Variants in NBEA observed in about 807,000 individuals in gnomAD.
The protein encoded by NBEA is lysosomal-trafficking regulator 2.
NBEA carries 44 observed loss-of-function variants against 343.4 expected under a neutral mutation model. The ratio of observed to expected loss-of-function variants is 0.13; its 90% confidence interval spans 0.10 to 0.16. The LOEUF (loss-of-function observed/expected upper bound fraction) is 0.16. Among genes scored for constraint, NBEA ranks in the 10% least tolerant of loss-of-function variants. The pLI, the probability that NBEA is intolerant of heterozygous loss-of-function variation, is 1.00. For missense variants in NBEA, 2,555 were observed against 3,631.3 expected (o/e 0.70, Z 7.62); for synonymous variants, 1,175 against 1,238.7 (o/e 0.95, Z 1.08).
At chr13:35,277,953 G>A (rs891398258) in intron 34 of NBEA, among the ~76,000 whole-genome samples, 1 of 151,594 alleles carries the variant, frequency 6.6e-6, no homozygotes, top group Non-Finnish European at 1.5e-5. Flanking sequence ...CCAGTGTGGT[G>A]GCACATGCCT....
intron 10 of NBEA, among the ~76,000 whole-genome samples, chr13:35,080,826 T>G (rs940927142): frequency 2.6e-5 from 4 of 152,138 alleles, no homozygotes; most frequent in Non-Finnish European, 5.9e-5. Flanking sequence ...ACACATAAAT[T>G]TATTTACTGC....
At chr13:35,201,010 A>AT (rs2072984592) in intron 31 of NBEA, among the ~76,000 whole-genome samples, 2 of 91,914 alleles carry the variant, frequency 2.2e-5, no homozygotes, top group Admixed American at 1.1e-4. Flanking sequence ...TCTTATTACT[A>AT]TTTTTTTAAA....
intron 11 of NBEA, among the ~76,000 whole-genome samples, chr13:35,101,821 C>T (rs2065661057): frequency 6.6e-6 from 1 of 151,706 alleles, no homozygotes; most frequent in African/African-American, 2.4e-5. Context: ...GATGTGATTA[C>T]TTCATTGGAT....
chr13:35,299,724 A>G (rs1001788651), intron 35 of NBEA, among the ~76,000 whole-genome samples: 3 of 152,192 alleles, frequency 2.0e-5, no homozygotes, highest in Admixed American at 6.5e-5. Flanking sequence ...ATATATGTCT[A>G]TGTAGGTGTG....
Position 35,489,440 on chromosome 13 carries a change from G to T in NBEA, c.6585+16904G>T, listed in dbSNP as rs147909761. Among the ~76,000 whole-genome samples, 9 of 151,900 alleles carry T rather than the reference G, an allele frequency of 5.9e-5. No homozygotes were observed. In the East Asian group the frequency reaches 1.8e-3, roughly 30 times the overall value. On this transcript the variant is annotated intron_variant, in intron 41 of 58. Coordinates refer to ENST00000379939, the MANE Select transcript of NBEA (RefSeq NM_001385012.1). Reference sequence around the variant, plus strand: ...GCTGGGCATATTTGGGGGATAATTAGAACTAATGAAGCCTGGAATACAGCT... The same window carrying T: ...GCTGGGCATATTTGGGGGATAATTATAACTAATGAAGCCTGGAATACAGCT...
At chr13:35,425,279 C>A (rs1297324811) in intron 38 of NBEA, among the ~76,000 whole-genome samples, 1 of 152,126 alleles carries the variant, frequency 6.6e-6, no homozygotes, top group Non-Finnish European at 1.5e-5. Context: ...CTCTTGTGGG[C>A]ATTTAGTGCT....
intron 1 of NBEA, among the ~76,000 whole-genome samples, chr13:34,993,039 C>T (rs543652260): frequency 6.6e-6 from 1 of 152,202 alleles, no homozygotes; most frequent in Admixed American, 6.5e-5. Flanking sequence ...CAATGAGTCT[C>T]ATCTCCTGCT....
intron 34 of NBEA, among the ~76,000 whole-genome samples, chr13:35,253,479 G>A (rs930159042): frequency 5.9e-5 from 9 of 152,214 alleles, no homozygotes; most frequent in African/African-American, 2.2e-4. Flanking sequence ...CGAGAATTGT[G>A]TGGCTTGCTT....
intron 38 of NBEA, among the ~76,000 whole-genome samples, chr13:35,354,113 C>T (rs190686875): frequency 6.6e-6 from 1 of 152,264 alleles, no homozygotes; most frequent in Admixed American, 6.5e-5. Flanking sequence ...ATCATATCTA[C>T]AAAATACCTC....
intron 10 of NBEA, among the ~76,000 whole-genome samples, chr13:35,079,820 C>T (rs532106061): frequency 4.6e-5 from 7 of 152,168 alleles, no homozygotes; most frequent in African/African-American, 9.6e-5. Flanking sequence ...TATTCCAAAA[C>T]GTTCCCTAAA....
At chr13:35,593,150 G>A in intron 46 of NBEA, 178 bp from the exon 47 acceptor site, 1 of 490,776 alleles carries the variant, frequency 2.0e-6, no homozygotes, top group Non-Finnish European at 3.4e-6. Context: ...GACAACTGCT[G>A]CCTTGGCCTA....
At chr13:34,988,890 T>C (rs2060653157) in intron 1 of NBEA, among the ~76,000 whole-genome samples, 1 of 151,040 alleles carries the variant, frequency 6.6e-6, no homozygotes, top group Non-Finnish European at 1.5e-5. Context: ...TAAAAATCCA[T>C]TGTGACATTC....
chr13:35,665,450 A>G (rs991836782), intron 56 of NBEA, among the ~76,000 whole-genome samples: 1 of 152,184 alleles, frequency 6.6e-6, no homozygotes, highest in Non-Finnish European at 1.5e-5. Context: ...CAGCCATTGT[A>G]AAGGACATGT....
At chr13:35,211,509 A>G in intron 33 of NBEA, among the ~76,000 whole-genome samples, 1 of 152,104 alleles carries the variant, frequency 6.6e-6, no homozygotes, top group Admixed American at 6.6e-5. Flanking sequence ...GGGGGTGATA[A>G]AAAGTTTAAA....
intron 1 of NBEA, among the ~76,000 whole-genome samples, chr13:35,031,551 T>C (rs983283493): frequency 6.6e-6 from 1 of 151,596 alleles, no homozygotes; most frequent in Non-Finnish European, 1.5e-5. Context: ...TGATAATTGC[T>C]AACTTTAACT....
At position 35,593,422 on chromosome 13, in the gene NBEA, G is replaced by A; in HGVS notation, c.7271G>A (p.Ser2424Asn). ...FSSVARSWRT[S>N]QRDTSDVKEL... The stretch of plus-strand genomic sequence containing the variant: ...TCCGTTGCAAGGTCTTGGAGAACTA[G>A]TCAGAGAGATACTTCTGATGTAAAG... Residue 2424 changes from serine (S) to asparagine (N), a missense_variant, in exon 47 of 59, where the codon AGT (serine) becomes AAT (asparagine). Coordinates refer to ENST00000379939, the MANE Select transcript of NBEA (RefSeq NM_001385012.1). 6.2e-7 allele frequency: 1 copy of A among 1,611,692 alleles called. No individual in the cohort carries two copies. Among genetic ancestry groups the A allele is most frequent in the South Asian group, 1.1e-5 (1 of 90,894 alleles).
At chr13:35,396,186 C>T (rs577281128) in intron 38 of NBEA, among the ~76,000 whole-genome samples, 1 of 152,184 alleles carries the variant, frequency 6.6e-6, no homozygotes, top group East Asian at 1.9e-4. Flanking sequence ...CATGCCACTG[C>T]ACCTAGTGGG....
chr13:35,525,584 A>G (rs9544548), intron 41 of NBEA, among the ~76,000 whole-genome samples: 2 of 152,006 alleles, frequency 1.3e-5, no homozygotes, highest in Admixed American at 6.5e-5. Context: ...AATAACAAAT[A>G]AAAAACAAAA....
chr13:35,523,780 G>A (rs753133244), intron 41 of NBEA, among the ~76,000 whole-genome samples: 11 of 152,018 alleles, frequency 7.2e-5, no homozygotes, highest in Admixed American at 1.3e-4. Flanking sequence ...CCAGGGATTT[G>A]TCTTTTCTGA....
Sources: allele counts gnomAD v4.1 joint callset (sites outside exome capture counted in the v4.1 genomes callset), GRCh38; gene constraint gnomAD v4.1.1; transcripts MANE v1.5; gene names NCBI Gene and HGNC (gene_info 2026-07-23, HGNC 2026-07-21).